Variants in GRID1 observed in about 807,000 individuals in gnomAD.
GRID1 encodes glutamate receptor ionotropic, delta-1.
In GRID1, 28 loss-of-function variants were observed where a neutral mutation model predicts 98.0. The observed-to-expected ratio is 0.29, with a 90% CI of 0.21 to 0.39. The LOEUF (loss-of-function observed/expected upper bound fraction) is 0.39. Ranked by LOEUF, GRID1 falls within the 10% of genes least tolerant of loss-of-function variation. GRID1 has a pLI of 1.00. For synonymous variants in GRID1, 553 were observed against 538.5 expected (o/e 1.03, Z -0.37); for missense variants, 1,111 against 1,340.5 (o/e 0.83, Z 2.67).
chr10:86,022,298 T>C (rs1438233422), intron 4 of GRID1, among the ~76,000 whole-genome samples: 1 of 152,220 alleles, frequency 6.6e-6, no homozygotes, highest in Non-Finnish European at 1.5e-5. Context: ...GAATCAAGTG[T>C]CAGTTTTTAA....
intron 2 of GRID1, among the ~76,000 whole-genome samples, chr10:86,278,534 C>A (rs1039644511): frequency 5.3e-5 from 8 of 151,992 alleles, no homozygotes; most frequent in Non-Finnish European, 7.4e-5. Context: ...AAACCTCTAG[C>A]CACACTGATC....
intron 15 of GRID1, among the ~76,000 whole-genome samples, chr10:85,608,549 C>T (rs1394240015): frequency 6.6e-6 from 1 of 152,230 alleles, no homozygotes; most frequent in Non-Finnish European, 1.5e-5. Context: ...GGTAAAGCAT[C>T]TATCTTGGTC....
At chr10:86,129,190 C>T (rs1053717408) in intron 4 of GRID1, among the ~76,000 whole-genome samples, 3 of 152,126 alleles carry the variant, frequency 2.0e-5, no homozygotes, top group Admixed American at 1.3e-4. Context: ...ATGTGTTGGC[C>T]GAGAGAGGAC....
At chr10:86,208,972 GC>G (rs1846072156) in intron 2 of GRID1, among the ~76,000 whole-genome samples, 1 of 152,184 alleles carries the variant, frequency 6.6e-6, no homozygotes, top group Non-Finnish European at 1.5e-5. Flanking sequence ...TTATGAAAGT[GC>G]CCCATTTTCT....
intron 4 of GRID1, among the ~76,000 whole-genome samples, chr10:85,947,645 A>G (rs914400670): frequency 6.6e-6 from 1 of 152,212 alleles, no homozygotes; most frequent in Admixed American, 6.5e-5. Context: ...CTGATGCTTC[A>G]GTCAACTTCA....
At chr10:85,685,551 A>G (rs563900660) in intron 12 of GRID1, among the ~76,000 whole-genome samples, 1 of 152,298 alleles carries the variant, frequency 6.6e-6, no homozygotes, top group South Asian at 2.1e-4. Flanking sequence ...TAAAACACTG[A>G]TCCAAAAACA....
chr10:85,783,233 C>A lies in GRID1; in HGVS notation c.1234-53619G>T, dbSNP rs150122342. ...GCAAAGTGGACAACAGCATCGCTAGCAGCACCCTTGCAATGAAGGCGACAA... is the reference window on the plus strand; with the variant it reads ...GCAAAGTGGACAACAGCATCGCTAGAAGCACCCTTGCAATGAAGGCGACAA... On this transcript the variant is annotated intron_variant, in intron 8 of 15. Coordinates refer to ENST00000327946, the MANE Select transcript of GRID1 (RefSeq NM_017551.3). 2.1e-3 allele frequency among the ~76,000 whole-genome samples: 314 copies of A among 152,320 alleles called. 3 individuals are homozygous for A. Among genetic ancestry groups the A allele is most frequent in the Non-Finnish European group, 7.3e-4 (50 of 68,032 alleles).
intron 3 of GRID1, among the ~76,000 whole-genome samples, chr10:86,168,437 T>C (rs12255702): frequency 0.048 from 7,299 of 152,246 alleles, 303 homozygotes; most frequent in South Asian, 0.15. Flanking sequence ...AGCTGTGGGC[T>C]GTGTTTACCG....
chr10:85,888,841 C>T (rs1282180988), intron 5 of GRID1, among the ~76,000 whole-genome samples: 1 of 152,122 alleles, frequency 6.6e-6, no homozygotes, highest in African/African-American at 2.4e-5. Context: ...CCTGCTTCTG[C>T]CATAGAAAAT....
intron 4 of GRID1, among the ~76,000 whole-genome samples, chr10:86,125,692 C>T (rs1441393299): frequency 6.6e-6 from 1 of 152,120 alleles, no homozygotes; most frequent in Non-Finnish European, 1.5e-5. Flanking sequence ...CCTCCTCCAT[C>T]TCTCCCGCCT....
intron 15 of GRID1, among the ~76,000 whole-genome samples, chr10:85,611,127 C>A (rs1360416676): frequency 6.6e-6 from 1 of 152,180 alleles, no homozygotes; most frequent in Admixed American, 6.5e-5. Flanking sequence ...GTCTCCTGGT[C>A]TCTCCATTTT....
intron 8 of GRID1, among the ~76,000 whole-genome samples, chr10:85,839,594 A>G (rs539890203): frequency 6.6e-6 from 1 of 152,326 alleles, no homozygotes; most frequent in East Asian, 1.9e-4. Context: ...GACACAATGT[A>G]CCAGAATCTC....
At chr10:86,158,039 G>C (rs770320384) in intron 3 of GRID1, among the ~76,000 whole-genome samples, 62 of 152,200 alleles carry the variant, frequency 4.1e-4, no homozygotes, top group Non-Finnish European at 8.2e-4. Context: ...AGGATTTTCT[G>C]CTGTGTCATT....
intron 4 of GRID1, among the ~76,000 whole-genome samples, chr10:86,137,820 TCCC>T (rs1844951084): frequency 6.6e-6 from 1 of 152,136 alleles, no homozygotes; most frequent in Non-Finnish European, 1.5e-5. Context: ...AATTTTAAGT[TCCC>T]CAGCAGTGGG....
rs144396808 is a variant in GRID1 at position 85,623,356 on chromosome 10, C to T, written c.2194-3323G>A. On this transcript the variant is annotated intron_variant, in intron 13 of 15. Transcript: ENST00000327946. Reference sequence around the variant, plus strand: ...ATCCCACCCATCATGGCCCTGTTGTCTTTATACAGACCCTCTTCTTGTTTC... The same window carrying T: ...ATCCCACCCATCATGGCCCTGTTGTTTTTATACAGACCCTCTTCTTGTTTC... Among the ~76,000 whole-genome samples the T allele has an allele frequency of 2.2e-3, 335 of 152,302 alleles. 2 individuals carry two copies. The highest frequency in any genetic ancestry group is 7.4e-3 in the African/African-American group (307 of 41,560).
At chr10:86,335,847 A>C (rs1250224539) in intron 2 of GRID1, among the ~76,000 whole-genome samples, 3 of 152,232 alleles carry the variant, frequency 2.0e-5, no homozygotes, top group Middle Eastern at 3.2e-3. Context: ...CACTTCTCTA[A>C]AGCTCATGAA....
intron 4 of GRID1, among the ~76,000 whole-genome samples, chr10:85,981,062 G>T (rs1389407925): frequency 6.6e-6 from 1 of 152,154 alleles, no homozygotes; most frequent in Non-Finnish European, 1.5e-5. Flanking sequence ...GAAGCCATAG[G>T]ACAAGGTTGC....
In GRID1 at chr10:85,599,802, A is replaced by AAAAAAAAAAAAAAAAAATAT; in HGVS notation, c.*2470_*2471insATATTTTTTTTTTTTTTTTT. 5 of 64,994 alleles carry AAAAAAAAAAAAAAAAAATAT rather than the reference A, an allele frequency of 7.7e-5. No individual in the cohort carries two copies. The highest frequency in any genetic ancestry group is 3.7e-4 in the African/African-American group (4 of 10,728). The allele number at this position is 64,994 out of a possible 1,614,324, so 4.0% of individuals were successfully genotyped here. A position where few individuals can be genotyped will look rare whatever the true frequency, so the allele number is the denominator to read the frequency against. ...GTAGAAAATTCTAAAAAAAAAAAAA[A>AAAAAAAAAAAAAAAAAATAT]ATATATATATATATATATAAACATG... On this transcript the variant is annotated 3_prime_UTR_variant, in exon 16 of 16. Coordinates refer to ENST00000327946, the MANE Select transcript of GRID1 (RefSeq NM_017551.3).
chr10:85,893,945 T>A (rs1439083882), intron 5 of GRID1, among the ~76,000 whole-genome samples: 1 of 152,212 alleles, frequency 6.6e-6, no homozygotes, highest in African/African-American at 2.4e-5. Flanking sequence ...CCTGAGTGCC[T>A]CACTTGTCTC....
Sources: gnomAD v4.1 joint callset for allele counts (sites outside exome capture counted in the v4.1 genomes callset) on GRCh38, gnomAD v4.1.1 for gene constraint, MANE v1.5 for transcripts, NCBI Gene and HGNC (gene_info 2026-07-23, HGNC 2026-07-21) for gene names.